FADS3: variants seen among roughly 807,000 people sequenced by gnomAD.
FADS3 encodes the protein cytochrome b5-related protein.
Under a neutral mutation model 60.4 loss-of-function variants are expected in FADS3, and 30 were observed. That is an observed-to-expected ratio of 0.50 (90% confidence interval 0.37 to 0.67). The LOEUF (loss-of-function observed/expected upper bound fraction) is 0.67, where lower values mean the gene tolerates loss of function less well. Among genes scored for constraint, FADS3 ranks in the 30% least tolerant of loss-of-function variants. The pLI, the probability that FADS3 is intolerant of heterozygous loss-of-function variation, is 0.00. For missense variants in FADS3, 432 were observed against 598.3 expected, an observed-to-expected ratio of 0.72 and a Z score of 2.90; for synonymous variants, 234 against 249.3, an observed-to-expected ratio of 0.94 and a Z score of 0.58.
At chr11:61,879,991 A>G (rs1423564415) in intron 2 of FADS3, 50 bp downstream of exon 2, 1 of 1,474,518 alleles carries the variant, frequency 6.8e-7, no homozygotes, top group Admixed American at 1.7e-5. Flanking sequence ...CCAGCCCTCC[A>G]GCCATCCCCC....
In FADS3 at chr11:61,873,879, G is replaced by T. The variant is rs1254011175; in HGVS notation, c.1287-14C>A. 5 of 1,585,202 alleles carry T rather than the reference G, an allele frequency of 3.2e-6. No homozygotes were observed. The highest frequency in any genetic ancestry group is 1.1e-5 in the South Asian group (1 of 88,770). ...TTCTTCAGGGACCTGGGAGGTGGGGGTGGCAGTGGGGGTGGGTGTTAGGAG... is the reference window on the plus strand; with the variant it reads ...TTCTTCAGGGACCTGGGAGGTGGGGTTGGCAGTGGGGGTGGGTGTTAGGAG... On this transcript the variant is annotated splice_polypyrimidine_tract_variant and intron_variant, in intron 11 of 11. Transcript: ENST00000278829.
chr11:61,875,646 C>T (rs967513673), intron 11 of FADS3, among the ~76,000 whole-genome samples: 4 of 152,140 alleles, frequency 2.6e-5, no homozygotes, highest in East Asian at 1.9e-4. Flanking sequence ...ACCTGCTCAC[C>T]GCAGGCACTG....
Position 61,877,477 on chromosome 11 carries a change from C to T in FADS3, c.885+34G>A, listed in dbSNP as rs777949772. 6.2e-7 allele frequency: 1 copy of T among 1,604,058 alleles called. No homozygotes were observed. The highest frequency in any genetic ancestry group is 8.5e-7 in the Non-Finnish European group (1 of 1,174,782). The stretch of plus-strand genomic sequence containing the variant: ...GAGGCACCACCTCCTGCCACGGCAG[C>T]CGTATGCCCGGGGTCCTGGGCAACC... On this transcript the variant is annotated intron_variant, in intron 7 of 11. Transcript: ENST00000278829. This position sits in a 1 kb window ranked among gnomAD's most constrained non-coding sequence, Gnocchi z 4.7.
Position 61,876,314 on chromosome 11 carries a change from G to A in FADS3, c.1080+45C>T, listed in dbSNP as rs1937881132. 2 of 1,601,148 alleles carry A rather than the reference G, an allele frequency of 1.2e-6. No homozygotes were observed. Among genetic ancestry groups the A allele is most frequent in the African/African-American group, 2.7e-5 (2 of 74,740 alleles). On this transcript the variant is annotated intron_variant, in intron 9 of 11. Coordinates refer to ENST00000278829, the MANE Select transcript of FADS3 (RefSeq NM_021727.5). This position sits in a 1 kb window ranked among gnomAD's most constrained non-coding sequence, Gnocchi z 5.7. ...TGCTTTGCCATCTGGCTCCTAGCTG[G>A]GACCCCCCACCCCACCCAGGATGGG...
chr11:61,879,286 T>C, intron 3 of FADS3, 26 bp downstream of exon 3: 1 of 1,548,112 alleles, frequency 6.5e-7, no homozygotes, highest in Non-Finnish European at 8.7e-7. Context: ...GCAGTTAAGG[T>C]GGCTGCAACA....
chr11:61,874,369 T>A (rs1474260251), intron 11 of FADS3, among the ~76,000 whole-genome samples: 1 of 152,134 alleles, frequency 6.6e-6, no homozygotes, highest in Non-Finnish European at 1.5e-5. Flanking sequence ...GAAGTGGGCA[T>A]CTGAACACCA....
chr11:61,889,690 T>C (rs1938432390), intron 1 of FADS3, among the ~76,000 whole-genome samples: 1 of 150,804 alleles, frequency 6.6e-6, no homozygotes, highest in Non-Finnish European at 1.5e-5. Context: ...CATACTGTCC[T>C]CTAGGTTACA....
chr11:61,880,281 G>A (rs1022636152), intron 1 of FADS3, 130 bp from the exon 2 acceptor site: 7 of 696,116 alleles, frequency 1.0e-5, no homozygotes, highest in Admixed American at 9.5e-5. Flanking sequence ...GAAGTCAGCC[G>A]GCTGATGAAC....
At chr11:61,890,793 C>A (rs763639243) in intron 1 of FADS3, among the ~76,000 whole-genome samples, 17 of 152,328 alleles carry the variant, frequency 1.1e-4, no homozygotes, top group Non-Finnish European at 2.1e-4. Flanking sequence ...CCCCTGGGGA[C>A]CCTGCCCTGC....
rs772787202 is a variant in FADS3, at chr11:61,876,319, C to A, written c.1080+40G>T. On this transcript the variant is annotated intron_variant, in intron 9 of 11. Coordinates refer to ENST00000278829, the MANE Select transcript of FADS3 (RefSeq NM_021727.5). This position sits in a 1 kb window ranked among gnomAD's most constrained non-coding sequence, Gnocchi z 5.7. ...TGCCATCTGGCTCCTAGCTGGGACC[C>A]CCCACCCCACCCAGGATGGGCCCCA... The A allele has an allele frequency of 3.7e-6, 6 of 1,600,200 alleles. No individual in the cohort carries two copies. Among genetic ancestry groups the A allele is most frequent in the Admixed American group, 3.3e-5 (2 of 59,838 alleles).
At chr11:61,874,465 C>G (rs540498690) in intron 11 of FADS3, among the ~76,000 whole-genome samples, 2 of 152,308 alleles carry the variant, frequency 1.3e-5, no homozygotes, top group Non-Finnish European at 2.9e-5. Flanking sequence ...CCTCTGTTCT[C>G]CACCTCCAAG....
In FADS3 at chr11:61,883,229, C is replaced by T. The variant is rs565069416; in HGVS notation, c.214-3078G>A. On this transcript the variant is annotated intron_variant, in intron 1 of 11. Transcript: ENST00000278829. ...TCTCCATTCTCTCCTCCCCCTGCCCCGGCAACCACCATGCTACCTTCTGTC... is the reference window on the plus strand; with the variant it reads ...TCTCCATTCTCTCCTCCCCCTGCCCTGGCAACCACCATGCTACCTTCTGTC... 3.0e-4 allele frequency among the ~76,000 whole-genome samples: 46 copies of T among 152,282 alleles called. 2 individuals are homozygous for T. The South Asian group carries it at 8.9e-3, about 30-fold the overall frequency.
intron 11 of FADS3, 90 bp from the exon 12 acceptor site, chr11:61,873,955 G>T: frequency 1.2e-6 from 1 of 838,008 alleles, no homozygotes; most frequent in Non-Finnish European, 1.9e-6. Flanking sequence ...AAGTGTGAGC[G>T]GAGATCCCCA....
At chr11:61,890,177 A>G (rs1938452924) in intron 1 of FADS3, 1 of 149,272 alleles carries the variant, frequency 6.7e-6, no homozygotes. Flanking sequence ...CTCACTCCTC[A>G]GCTTCATGGG....
chr11:61,890,127 T>C (rs1036698733), intron 1 of FADS3: 7 of 152,044 alleles, frequency 4.6e-5, no homozygotes, highest in African/African-American at 1.7e-4. Flanking sequence ...TTCTCTTTTT[T>C]TTTTTTTTCT....
chr11:61,878,434 C>A, intron 5 of FADS3, 78 bp downstream of exon 5: 2 of 1,563,066 alleles, frequency 1.3e-6, no homozygotes, highest in South Asian at 2.4e-5. Context: ...AGGTCAGGGG[C>A]AGAGTGGGGA....
rs11607313 is a variant in FADS3 at position 61,875,198 on chromosome 11, C to T, written c.1286+653G>A. ...AGGGGATGTCCCAACTCTTGGCTGC[C>T]TGAGACATGGTTTTTTTGTTTGTTT... is the stretch of plus-strand genomic sequence containing the variant. On this transcript the variant is annotated intron_variant, in intron 11 of 11. Transcript: ENST00000278829. 6.6e-5 allele frequency among the ~76,000 whole-genome samples: 10 copies of T among 152,196 alleles called. No individual in the cohort carries two copies. In the South Asian group the frequency reaches 1.9e-3, roughly 28 times the overall value.
At chr11:61,880,881 C>G (rs1207107575) in intron 1 of FADS3, 1 of 152,220 alleles carries the variant, frequency 6.6e-6, no homozygotes, top group East Asian at 1.9e-4. Context: ...TCCGGAGTAG[C>G]TGGTCTCAAA....
At position 61,891,222 on chromosome 11, in the gene FADS3, G is replaced by T. The variant is rs1490730633; in HGVS notation, c.160C>A (p.Arg54=). 28 of 1,553,810 alleles carry T rather than the reference G, an allele frequency of 1.8e-5. No homozygotes were observed. The highest frequency in any genetic ancestry group is 2.4e-5 in the Non-Finnish European group (28 of 1,150,442). The part of the protein sequence containing the change: ...RVYDISRWAQ[R]HPGGSRLIGH... ...ATGAGGCGGCTGCCCCCTGGGTGCC[G>T]CTGTGCCCAGCGGCTGATGTCGTAG... Residue 54 remains arginine, a synonymous_variant, in exon 1 of 12, where the codon CGG becomes AGG. Transcript: ENST00000278829.
Sources: allele counts gnomAD v4.1 joint callset (sites outside exome capture counted in the v4.1 genomes callset), GRCh38; gene constraint gnomAD v4.1.1; non-coding constraint Gnocchi (gnomAD v3.1); transcripts MANE v1.5; gene names NCBI Gene and HGNC (gene_info 2026-07-23, HGNC 2026-07-21).